EPHA3: variants seen among roughly 807,000 people sequenced by gnomAD.
The protein encoded by EPHA3 is ephrin type-A receptor 3.
Under a neutral mutation model 107.1 loss-of-function variants are expected in EPHA3, and 42 were observed. The observed-to-expected ratio is 0.39, with a 90% CI of 0.31 to 0.51. EPHA3 has a LOEUF of 0.51. Among genes scored for constraint, EPHA3 ranks in the 20% least tolerant of loss-of-function variants. The pLI is 0.78. For missense variants in EPHA3, 1,183 were observed against 1,211.2 expected, an observed-to-expected ratio of 0.98 and a Z score of 0.35; for synonymous variants, 461 against 424.8, an observed-to-expected ratio of 1.09 and a Z score of -1.05.
rs1392790241 is a variant in EPHA3 at position 89,341,283 on chromosome 3, C to T, written c.970+212C>T. On this transcript the variant is annotated intron_variant, in intron 4 of 16. Transcript: ENST00000336596. ...GAATTAAATTTTAAAGCACTTCCTG[C>T]AACACAACCCCCTGAAAGAGAGAAC... Among the ~76,000 whole-genome samples the T allele has an allele frequency of 7.2e-5, 11 of 152,262 alleles. No homozygotes were observed. In the East Asian group the frequency reaches 1.9e-3, roughly 27 times the overall value.
intron 2 of EPHA3, among the ~76,000 whole-genome samples, chr3:89,128,445 A>C (rs1173672108): frequency 6.6e-6 from 1 of 152,124 alleles, no homozygotes; most frequent in African/African-American, 2.4e-5. Flanking sequence ...CTAGGTTGTC[A>C]TAAAGAGTGA....
At chr3:89,329,212 C>T (rs1707237075) in intron 3 of EPHA3, among the ~76,000 whole-genome samples, 1 of 152,012 alleles carries the variant, frequency 6.6e-6, no homozygotes, top group Non-Finnish European at 1.5e-5. Context: ...ATACCCTCGG[C>T]GTGTCCATTT....
At chr3:89,147,102 A>G (rs1203304911) in intron 2 of EPHA3, among the ~76,000 whole-genome samples, 1 of 151,750 alleles carries the variant, frequency 6.6e-6, no homozygotes, top group Non-Finnish European at 1.5e-5. Context: ...ACCAAACACC[A>G]CATGTTATCA....
intron 13 of EPHA3, among the ~76,000 whole-genome samples, chr3:89,444,402 A>G (rs532400888): frequency 1.3e-5 from 2 of 152,172 alleles, no homozygotes; most frequent in Admixed American, 1.3e-4. Flanking sequence ...ACTTCAAATT[A>G]AATGTGTACA....
intron 5 of EPHA3, among the ~76,000 whole-genome samples, chr3:89,342,962 C>T (rs1303278828): frequency 4.0e-5 from 6 of 151,736 alleles, no homozygotes; most frequent in Admixed American, 3.3e-4. Flanking sequence ...AGAGAACTAC[C>T]GATTCTCCAG....
chr3:89,131,265 T>C (rs1299679048), intron 2 of EPHA3, among the ~76,000 whole-genome samples: 1 of 152,204 alleles, frequency 6.6e-6, no homozygotes, highest in Non-Finnish European at 1.5e-5. Flanking sequence ...ATGAATGATA[T>C]GATATTTCAA....
rs142818977 is a variant in EPHA3 at position 89,327,649 on chromosome 3, C to T, written c.815-13267C>T. Among the ~76,000 whole-genome samples, 967 of 152,052 alleles carry T rather than the reference C, an allele frequency of 6.4e-3. 9 individuals carry two copies. Among genetic ancestry groups the T allele is most frequent in the African/African-American group, 0.022 (913 of 41,494 alleles). On this transcript the variant is annotated intron_variant, in intron 3 of 16. Coordinates refer to ENST00000336596, the MANE Select transcript of EPHA3 (RefSeq NM_005233.6). ...AAATGTATAATCAAATTGGTAGGTG[C>T]AGTTGGGGGACAGTATGGAAAGTTT...
intron 3 of EPHA3, among the ~76,000 whole-genome samples, chr3:89,321,834 T>A (rs986509523): frequency 2.6e-5 from 4 of 152,122 alleles, no homozygotes; most frequent in Admixed American, 1.3e-4. Context: ...ATAAATAGCA[T>A]TAAGCTTCTT....
At chr3:89,267,266 T>C (rs1383215318) in intron 3 of EPHA3, among the ~76,000 whole-genome samples, 1 of 152,102 alleles carries the variant, frequency 6.6e-6, no homozygotes, top group East Asian at 1.9e-4. Context: ...AAATTTAAGA[T>C]GGCGGACATC....
In EPHA3 at chr3:89,431,309, G is replaced by A. The variant is rs1709564426; in HGVS notation, c.2296G>A (p.Gly766Arg). Residue 766 changes from glycine (G) to arginine (R), a missense_variant, in exon 13 of 17, where the codon GGA becomes AGA. Gly to Arg is a moderately radical substitution (Grantham distance 125). Transcript: ENST00000336596. The stretch of plus-strand genomic sequence containing the variant: ...CTTGGTGTGTAAGGTTTCTGATTTC[G>A]GACTTTCGCGTGTCCTGGAGGATGA... ...SNLVCKVSDF[G>R]LSRVLEDDPE... 3.7e-6 allele frequency: 6 copies of A among 1,613,294 alleles called. No homozygotes were observed. The highest frequency in any genetic ancestry group is 4.2e-6 in the Non-Finnish European group (5 of 1,179,838).
In EPHA3 at chr3:89,458,212, C is replaced by T. The variant is rs552219646; in HGVS notation, c.2690+7842C>T. ...GGCAATACAAGAAGGAAAACAAATA[C>T]GAAACATTCACTAATATCTCAGAAT... On this transcript the variant is annotated intron_variant, in intron 15 of 16. Transcript: ENST00000336596. 9.2e-5 allele frequency among the ~76,000 whole-genome samples: 14 copies of T among 152,220 alleles called. No homozygotes were observed. The South Asian group carries it at 1.7e-3, about 18-fold the overall frequency.
intron 3 of EPHA3, among the ~76,000 whole-genome samples, chr3:89,259,708 A>C (rs1339297622): frequency 6.6e-6 from 1 of 152,204 alleles, no homozygotes; most frequent in Non-Finnish European, 1.5e-5. Flanking sequence ...TACTTATTTA[A>C]CAAAAATTTC....
intron 2 of EPHA3, among the ~76,000 whole-genome samples, chr3:89,162,562 C>A (rs1482433466): frequency 6.6e-6 from 1 of 152,068 alleles, no homozygotes; most frequent in Non-Finnish European, 1.5e-5. Context: ...GTTTGGGTTC[C>A]CCTGAAATCA....
chr3:89,305,768 G>A lies in EPHA3; in HGVS notation c.815-35148G>A, dbSNP rs149535639. Reference sequence around the variant, plus strand: ...TGACTCCAGTCTCCCGACTATGTGCGTTCAACCAGACTACTTGGCCCTATT... The same window carrying A: ...TGACTCCAGTCTCCCGACTATGTGCATTCAACCAGACTACTTGGCCCTATT... On this transcript the variant is annotated intron_variant, in intron 3 of 16. Transcript: ENST00000336596. 1.7e-3 allele frequency among the ~76,000 whole-genome samples: 263 copies of A among 152,152 alleles called. 3 individuals are homozygous for A. The highest frequency in any genetic ancestry group is 5.8e-3 in the African/African-American group (239 of 41,532).
chr3:89,460,823 C>CGCTTT (rs1710216778), intron 15 of EPHA3, among the ~76,000 whole-genome samples: 2 of 103,034 alleles, frequency 1.9e-5, no homozygotes, highest in African/African-American at 7.3e-5. Flanking sequence ...CTCTGTCTCT[C>CGCTTT]TTTTTTTTTT....
intron 13 of EPHA3, 24 bp from the exon 14 acceptor site, chr3:89,449,201 G>T: frequency 6.3e-7 from 1 of 1,591,312 alleles, no homozygotes; most frequent in Admixed American, 1.7e-5. Context: ...GCTGATTTAT[G>T]TAGACATGAT....
chr3:89,253,509 T>G (rs1484137710), intron 3 of EPHA3, among the ~76,000 whole-genome samples: 1 of 152,170 alleles, frequency 6.6e-6, no homozygotes, highest in Non-Finnish European at 1.5e-5. Context: ...TATTAAGACA[T>G]GTATATAGCT....
chr3:89,203,171 G>A (rs1706012484), intron 2 of EPHA3, among the ~76,000 whole-genome samples: 1 of 151,912 alleles, frequency 6.6e-6, no homozygotes, highest in African/African-American at 2.4e-5. Flanking sequence ...AGTCCAGTTG[G>A]CCAAGGGATA....
chr3:89,471,177 A>G (rs563230814), intron 15 of EPHA3, among the ~76,000 whole-genome samples: 198 of 99,146 alleles, frequency 2.0e-3, no homozygotes, highest in African/African-American at 5.8e-3. Flanking sequence ...AGAGCTGAAG[A>G]AAAAAAAAAA....
Sources: allele counts gnomAD v4.1 joint callset (sites outside exome capture counted in the v4.1 genomes callset), GRCh38; gene constraint gnomAD v4.1.1; transcripts MANE v1.5; gene names NCBI Gene and HGNC (gene_info 2026-07-23, HGNC 2026-07-21).